The following CLIC1 variants were observed in gnomAD, a reference collection of about 807,000 sequenced individuals.
CLIC1 encodes the protein CLIC family member 1.
CLIC1 carries 16 observed loss-of-function variants against 26.4 expected under a neutral mutation model. That is an observed-to-expected ratio of 0.61 (90% CI 0.41 to 0.92). CLIC1 has a LOEUF of 0.92. Ranked by LOEUF, CLIC1 falls within the 40% of genes least tolerant of loss-of-function variation. The pLI is 0.00. For synonymous variants in CLIC1, 98 were observed against 120.8 expected (o/e 0.81, Z 1.24); for missense variants, 225 against 289.7 (o/e 0.78, Z 1.62).
intron 1 of CLIC1, among the ~76,000 whole-genome samples, chr6:31,735,670 C>T (rs1808277489): frequency 6.6e-6 from 1 of 151,970 alleles, no homozygotes; most frequent in African/African-American, 2.4e-5. Context: ...CAATGCCACC[C>T]GATCACCTCT....
chr6:31,730,998 C>A lies in CLIC1; in HGVS notation c.570G>T (p.Val190=), dbSNP rs749534738. ...TGGTGAATCCCCGGTACTTCTTACA[C>A]ACCACCTGAGGATGGGGAGAGGAGA... is the stretch of plus-strand genomic sequence containing the variant. Residue 190 remains valine, a synonymous_variant, in exon 6 of 6, where the codon GTG becomes GTT. Coordinates refer to ENST00000375784, the Ensembl canonical transcript of CLIC1. This position sits in a 1 kb window ranked among gnomAD's most constrained non-coding sequence, Gnocchi z 5.1. The A allele has an allele frequency of 6.2e-7, 1 of 1,612,562 alleles. No homozygotes were observed. Among genetic ancestry groups the A allele is most frequent in the Non-Finnish European group, 8.5e-7 (1 of 1,179,802 alleles).
Position 31,734,855 on chromosome 6 carries a change from C to G in CLIC1, c.40-592G>C, listed in dbSNP as rs964084838. Among the ~76,000 whole-genome samples, 1 of 152,078 alleles carries G rather than the reference C, an allele frequency of 6.6e-6. No individual in the cohort carries two copies. Among genetic ancestry groups the G allele is most frequent in the Non-Finnish European group, 1.5e-5 (1 of 68,004 alleles). ...TGAGGGTGATTCATCTCTCTGTCTC[C>G]GGCTTCCTTCCTGTCAAGGATGTGG... On this transcript the variant is annotated intron_variant, in intron 1 of 5. Transcript: ENST00000375784. The surrounding 1 kb of genome is among the most constrained non-coding windows in gnomAD (Gnocchi z 5.3).
In CLIC1 at chr6:31,732,199, C is replaced by A; in HGVS notation, c.564+18G>T. 1.4e-6 allele frequency: 2 copies of A among 1,427,378 alleles called. No individual in the cohort carries two copies. Among genetic ancestry groups the A allele is most frequent in the Non-Finnish European group, 1.9e-6 (2 of 1,080,174 alleles). The allele number at this position is 1,427,378 out of a possible 1,614,324, so 88.4% of individuals were successfully genotyped here. A position where few individuals can be genotyped will look rare whatever the true frequency, so the allele number is the denominator to read the frequency against. On this transcript the variant is annotated intron_variant, in intron 5 of 5. Coordinates refer to ENST00000375784, the Ensembl canonical transcript of CLIC1. This position sits in a 1 kb window ranked among gnomAD's most constrained non-coding sequence, Gnocchi z 5.0. The stretch of plus-strand genomic sequence containing the variant: ...GCCACTCCAGTGGTCATCCTCTCCT[C>A]CCGCAATAACCACACACCTGTACTA...
At position 31,731,056 on chromosome 6, in the gene CLIC1, T is replaced by G. The variant is rs553422759; in HGVS notation, c.565-53A>C. On this transcript the variant is annotated intron_variant, in intron 5 of 5. Transcript: ENST00000375784. ...ACATGTTAGACCCAGGGAAGCCACC[T>G]TGGCTTTCCCTTCTCCCCAGGCCGA... The G allele has an allele frequency of 8.3e-5, 129 of 1,550,668 alleles. 2 individuals are homozygous for G. The East Asian group carries it at 3.0e-3, about 36-fold the overall frequency.
Position 31,733,475 on chromosome 6 carries a change from T to C in CLIC1, c.382+91A>G, listed in dbSNP as rs1808115880. On this transcript the variant is annotated intron_variant, in intron 4 of 5. Coordinates refer to ENST00000375784, the Ensembl canonical transcript of CLIC1. The surrounding 1 kb of genome is among the most constrained non-coding windows in gnomAD (Gnocchi z 5.4). ...ACGAACATCTGCTTCATCTCCCTGA[T>C]ATCTGAACGTCCAGGTGCCCCTAAT... 1.2e-6 allele frequency: 1 copy of C among 866,024 alleles called. No homozygotes were observed. The highest frequency in any genetic ancestry group is 1.7e-5 in the African/African-American group (1 of 60,130). 53.6% of individuals were successfully genotyped at this position (866,024 alleles called of 1,614,324 possible).
Position 31,734,037 on chromosome 6 carries a change from A to T in CLIC1, c.150-76T>A. On this transcript the variant is annotated intron_variant, in intron 2 of 5. Coordinates refer to ENST00000375784, the Ensembl canonical transcript of CLIC1. The surrounding 1 kb of genome is among the most constrained non-coding windows in gnomAD (Gnocchi z 5.3). ...AGAAAGGGGGAATGGAGGACGTGGG[A>T]TAAGAAAGGGACTCCAGGGGGAGGG... The T allele has an allele frequency of 6.3e-7, 1 of 1,597,802 alleles. No individual in the cohort carries two copies. Among genetic ancestry groups the T allele is most frequent in the Non-Finnish European group, 8.6e-7 (1 of 1,168,582 alleles).
Position 31,736,520 on chromosome 6 carries a change from C to T in CLIC1, c.-220G>A. 7.2e-7 allele frequency: 1 copy of T among 1,380,686 alleles called. No homozygotes were observed. The highest frequency in any genetic ancestry group is 2.7e-5 in the East Asian group (1 of 37,092). 85.5% of individuals were successfully genotyped at this position (1,380,686 alleles called of 1,614,324 possible). A position where few individuals can be genotyped will look rare whatever the true frequency, so the allele number is the denominator to read the frequency against. On this transcript the variant is annotated 5_prime_UTR_variant, in exon 1 of 6. Coordinates refer to ENST00000375784, the Ensembl canonical transcript of CLIC1. The surrounding 1 kb of genome is among the most constrained non-coding windows in gnomAD (Gnocchi z 5.0). The stretch of plus-strand genomic sequence containing the variant: ...TCCTCCAGCTCGGTCCTCTCCCGGG[C>T]TGGATCAGAGAGCCGCTGACTCACC...
chr6:31,735,176 G>GACACAGGCA (rs1808242333), intron 1 of CLIC1, among the ~76,000 whole-genome samples: 1 of 151,346 alleles, frequency 6.6e-6, no homozygotes, highest in African/African-American at 2.4e-5. Flanking sequence ...GACACAGGCA[G>GACACAGGCA]AGACACACAA....
At chr6:31,731,625 C>T (rs997213322) in intron 5 of CLIC1, among the ~76,000 whole-genome samples, 3 of 152,218 alleles carry the variant, frequency 2.0e-5, no homozygotes, top group Non-Finnish European at 4.4e-5. Context: ...ATCATATATT[C>T]TTAACTTTCA....
At position 31,732,965 on chromosome 6, in the gene CLIC1, T is replaced by C. The variant is rs1246485782; in HGVS notation, c.383-567A>G. On this transcript the variant is annotated intron_variant, in intron 4 of 5. Transcript: ENST00000375784. The surrounding 1 kb of genome is among the most constrained non-coding windows in gnomAD (Gnocchi z 5.0). ...GGTGAAACCCTGTCTCTACTAAAAA[T>C]ACAAAAATTAGCTGGGCGTGGTGAT... Among the ~76,000 whole-genome samples, 1 of 151,416 alleles carries C rather than the reference T, an allele frequency of 6.6e-6. No homozygotes were observed. The highest frequency in any genetic ancestry group is 2.4e-5 in the African/African-American group (1 of 41,212).
upstream of CLIC1, chr6:31,737,035 T>A: frequency 1.3e-6 from 1 of 740,902 alleles, no homozygotes; most frequent in Non-Finnish European, 1.6e-6. Context: ...GGTGTCTCAG[T>A]AGGTCCTGTG....
intron 5 of CLIC1, among the ~76,000 whole-genome samples, chr6:31,731,809 A>T (rs1194411588): frequency 6.6e-6 from 1 of 152,244 alleles, no homozygotes; most frequent in Non-Finnish European, 1.5e-5. Flanking sequence ...TATGACAAAA[A>T]CATGGGAACC....
intron 5 of CLIC1, among the ~76,000 whole-genome samples, chr6:31,731,866 A>G (rs776958727): frequency 3.4e-4 from 52 of 152,218 alleles, no homozygotes; most frequent in Non-Finnish European, 3.8e-4. Flanking sequence ...GAAGTTATAA[A>G]GAAAGTTAAA....
At chr6:31,731,295 T>C (rs1807920305) in intron 5 of CLIC1, among the ~76,000 whole-genome samples, 1 of 152,136 alleles carries the variant, frequency 6.6e-6, no homozygotes, top group African/African-American at 2.4e-5. Flanking sequence ...TTTGTCTCTA[T>C]ATTTTTCATC....
At chr6:31,735,086 G>T (rs777048607) in intron 1 of CLIC1, among the ~76,000 whole-genome samples, 2 of 151,720 alleles carry the variant, frequency 1.3e-5, no homozygotes, top group African/African-American at 4.8e-5. Flanking sequence ...CTAAGGGGGC[G>T]GACCCAAGCA....
chr6:31,735,259 C>T (rs1808249771), intron 1 of CLIC1, among the ~76,000 whole-genome samples: 2 of 151,410 alleles, frequency 1.3e-5, no homozygotes, highest in Admixed American at 6.6e-5. Context: ...GACGTGCGTG[C>T]CAACGGAGAG....
Position 31,730,946 on chromosome 6 carries a change from G to T in CLIC1, c.622C>A (p.Arg208=). The T allele has an allele frequency of 6.2e-7, 1 of 1,613,008 alleles. No individual in the cohort carries two copies. The highest frequency in any genetic ancestry group is 8.5e-7 in the Non-Finnish European group (1 of 1,179,978). ...CGGGCGTAGGCATTGCTCAAGTACC[G>T]ATGCACTCCCCGGAAGGCCTCGGGG... Residue 208 remains arginine (R), a synonymous_variant, in exon 6 of 6, where the codon CGG becomes AGG. Transcript: ENST00000375784. This position sits in a 1 kb window ranked among gnomAD's most constrained non-coding sequence, Gnocchi z 5.1.
Position 31,730,862 on chromosome 6 carries a change from C to T in CLIC1, c.706G>A (p.Val236Met). 6.2e-7 allele frequency: 1 copy of T among 1,613,112 alleles called. No homozygotes were observed. Among genetic ancestry groups the T allele is most frequent in the East Asian group, 2.2e-5 (1 of 44,890 alleles). The change falls in exon 6 of 6, where the codon GTG (valine) becomes ATG (methionine). Residue 236 changes from valine (V) to methionine (M), a missense_variant. Coordinates refer to ENST00000375784, the Ensembl canonical transcript of CLIC1. The surrounding 1 kb of genome is among the most constrained non-coding windows in gnomAD (Gnocchi z 5.1). ...GGGGCTTATTTGAGGGCCTTTGCCA[C>T]TTGCTCATAGGCGAGCTCGATCTCC...
At chr6:31,736,791 C>G (rs1009917659), upstream of CLIC1, 9 of 991,266 alleles carry the variant, frequency 9.1e-6, no homozygotes, top group African/African-American at 1.4e-4. This position sits in a 1 kb window ranked among gnomAD's most constrained non-coding sequence, Gnocchi z 5.0. Flanking sequence ...AAACTTGACA[C>G]TAACAGCTTG....
Sources: allele counts gnomAD v4.1 joint callset (sites outside exome capture counted in the v4.1 genomes callset), GRCh38; gene constraint gnomAD v4.1.1; non-coding constraint Gnocchi (gnomAD v3.1); transcripts MANE v1.5; gene names NCBI Gene and HGNC (gene_info 2026-07-23, HGNC 2026-07-21).